Variants in DLGAP1 observed in about 807,000 individuals in gnomAD.
The protein encoded by DLGAP1 is disks large-associated protein 1.
In DLGAP1, 11 loss-of-function variants were observed where a neutral mutation model predicts 90.8. The ratio of observed to expected loss-of-function variants is 0.12; its 90% CI spans 0.08 to 0.20. The LOEUF (loss-of-function observed/expected upper bound fraction) is 0.20, where lower values mean the gene tolerates loss of function less well. Ranked by LOEUF, DLGAP1 falls within the 10% of genes least tolerant of loss-of-function variation. The pLI is 1.00. For missense variants in DLGAP1, 1,050 were observed against 1,333.8 expected (o/e 0.79, Z 3.31); for synonymous variants, 558 against 540.7 (o/e 1.03, Z -0.44).
rs77118970 is a variant in DLGAP1, at chr18:4,451,606, C to T, written c.-267+3400G>A. Among the ~76,000 whole-genome samples the T allele has an allele frequency of 3.3e-3, 507 of 152,208 alleles. 10 individuals are homozygous for T. In the East Asian group the frequency reaches 0.044, roughly 13 times the overall value. ...CACAACTAGAGAAAGTCACCTTCAT[C>T]GGGCAGTAACAAGAATCGAGCTACA... On this transcript the variant is annotated intron_variant, in intron 1 of 12. Transcript: ENST00000315677.
chr18:4,046,296 C>A (rs1256814692), intron 2 of DLGAP1, among the ~76,000 whole-genome samples: 2 of 152,080 alleles, frequency 1.3e-5, no homozygotes, highest in East Asian at 3.9e-4. Context: ...ATCTATTGCC[C>A]AAATCCCAAT....
intron 9 of DLGAP1, among the ~76,000 whole-genome samples, chr18:3,560,593 A>C (rs1369237128): frequency 6.7e-6 from 1 of 149,158 alleles, no homozygotes; most frequent in Non-Finnish European, 1.5e-5. Context: ...CAGTCTCAAA[A>C]AAAAAAAAAA....
chr18:4,101,685 T>C (rs188249145), intron 2 of DLGAP1, among the ~76,000 whole-genome samples: 2 of 152,286 alleles, frequency 1.3e-5, no homozygotes, highest in East Asian at 1.9e-4. Flanking sequence ...TCTGACTTTA[T>C]TCTATTTCTC....
intron 1 of DLGAP1, among the ~76,000 whole-genome samples, chr18:4,210,178 A>C (rs1459271270): frequency 6.6e-6 from 1 of 152,202 alleles, no homozygotes; most frequent in Non-Finnish European, 1.5e-5. Context: ...TCATTGTCTG[A>C]GTCCTTCCCT....
rs1432142941 is a variant in DLGAP1 at position 3,821,551 on chromosome 18, T to C, written c.958-7278A>G. On this transcript the variant is annotated intron_variant, in intron 4 of 12. Transcript: ENST00000315677. Reference sequence around the variant, plus strand: ...AAACGTTCTCGTGTCACTAATTTTCTAGCACTGCTAAAAGAGGGTTCAAAA... The same window carrying C: ...AAACGTTCTCGTGTCACTAATTTTCCAGCACTGCTAAAAGAGGGTTCAAAA... 3.3e-5 allele frequency among the ~76,000 whole-genome samples: 5 copies of C among 152,176 alleles called. No homozygotes were observed. In the East Asian group the frequency reaches 9.6e-4, roughly 29 times the overall value.
chr18:4,437,572 T>G (rs1055568663), intron 1 of DLGAP1, among the ~76,000 whole-genome samples: 3 of 152,236 alleles, frequency 2.0e-5, no homozygotes, highest in African/African-American at 7.2e-5. Context: ...AAAAAAAAGT[T>G]TGTCCATGTT....
chr18:4,175,765 C>T (rs954227634), intron 1 of DLGAP1, among the ~76,000 whole-genome samples: 1 of 152,026 alleles, frequency 6.6e-6, no homozygotes, highest in African/African-American at 2.4e-5. Flanking sequence ...CTGTTCTGTT[C>T]CATTGGTCTA....
rs1225923610 is a variant in DLGAP1, at chr18:3,948,041, A to C, written c.-73+57075T>G. 2.6e-5 allele frequency among the ~76,000 whole-genome samples: 4 copies of C among 152,214 alleles called. No homozygotes were observed. The East Asian group carries it at 7.7e-4, about 29-fold the overall frequency. ...AAAAGGTAATTGAATGCACATCCCC[A>C]AAATGGTAGGCTCAGGAAGCAAAGT... On this transcript the variant is annotated intron_variant, in intron 3 of 12. Coordinates refer to ENST00000315677, the MANE Select transcript of DLGAP1 (RefSeq NM_004746.4).
intron 6 of DLGAP1, among the ~76,000 whole-genome samples, chr18:3,740,844 C>T (rs567564250): frequency 6.6e-6 from 1 of 150,558 alleles, no homozygotes; most frequent in African/African-American, 2.4e-5. Context: ...ATAATCATCA[C>T]CACCACCATC....
intron 1 of DLGAP1, among the ~76,000 whole-genome samples, chr18:4,237,599 C>T (rs1287725488): frequency 6.6e-6 from 1 of 151,962 alleles, no homozygotes; most frequent in Non-Finnish European, 1.5e-5. Context: ...TTAGTTTCCT[C>T]AAGATCCTTC....
chr18:3,793,250 C>T (rs576159161), intron 5 of DLGAP1, among the ~76,000 whole-genome samples: 3 of 152,190 alleles, frequency 2.0e-5, no homozygotes, highest in South Asian at 2.1e-4. Context: ...ATGTCTGATC[C>T]GTGAATGCAC....
At chr18:4,136,024 C>G (rs530858746) in intron 2 of DLGAP1, among the ~76,000 whole-genome samples, 1 of 151,974 alleles carries the variant, frequency 6.6e-6, no homozygotes, top group East Asian at 1.9e-4. Flanking sequence ...CCCCTCCCCC[C>G]ACCTCATGAC....
chr18:3,964,166 A>G (rs192690058), intron 3 of DLGAP1, among the ~76,000 whole-genome samples: 4 of 152,320 alleles, frequency 2.6e-5, no homozygotes, highest in Admixed American at 2.0e-4. Context: ...CATAAAACAC[A>G]AAAGTGTAAG....
At chr18:4,303,807 G>A (rs2080185561) in intron 1 of DLGAP1, among the ~76,000 whole-genome samples, 3 of 152,288 alleles carry the variant, frequency 2.0e-5, no homozygotes, top group Admixed American at 6.5e-5. Context: ...TGTATCTGAA[G>A]TGTATTAGAA....
chr18:4,306,853 T>A (rs1252530379), intron 1 of DLGAP1, among the ~76,000 whole-genome samples: 1 of 152,172 alleles, frequency 6.6e-6, no homozygotes. Context: ...ATTAATCTTG[T>A]TTATTCCAGT....
chr18:4,245,542 A>C (rs1029179665), intron 1 of DLGAP1, among the ~76,000 whole-genome samples: 4 of 152,204 alleles, frequency 2.6e-5, no homozygotes, highest in African/African-American at 9.6e-5. Context: ...AATCTTAGCA[A>C]AGCTATTATT....
chr18:3,698,913 T>C (rs1018999960), intron 7 of DLGAP1, among the ~76,000 whole-genome samples: 1 of 152,108 alleles, frequency 6.6e-6, no homozygotes, highest in Non-Finnish European at 1.5e-5. Context: ...TCTGATATCC[T>C]TTCTTCCGCT....
chr18:3,977,297 C>T (rs1359617226), intron 3 of DLGAP1, among the ~76,000 whole-genome samples: 1 of 152,148 alleles, frequency 6.6e-6, no homozygotes, highest in Non-Finnish European at 1.5e-5. Flanking sequence ...GTATCGAACT[C>T]CTGAGCTCCA....
intron 7 of DLGAP1, among the ~76,000 whole-genome samples, chr18:3,649,375 G>A (rs1334997108): frequency 6.6e-6 from 1 of 152,188 alleles, no homozygotes; most frequent in African/African-American, 2.4e-5. Context: ...ACGAGGAGTC[G>A]CTTCCCTCTA....
Sources: gnomAD v4.1 joint callset for allele counts (sites outside exome capture counted in the v4.1 genomes callset) on GRCh38, gnomAD v4.1.1 for gene constraint, MANE v1.5 for transcripts, NCBI Gene and HGNC (gene_info 2026-07-23, HGNC 2026-07-21) for gene names.